The following CACNA2D3 variants were observed in gnomAD, a reference collection of about 807,000 sequenced individuals.
CACNA2D3 encodes the protein voltage-dependent calcium channel subunit alpha-2/delta-3.
A neutral mutation model predicts 160.6 loss-of-function variants in CACNA2D3; 60 were observed. The ratio of observed to expected loss-of-function variants is 0.37; its 90% CI spans 0.30 to 0.46. CACNA2D3 has a LOEUF of 0.46. CACNA2D3 is among the 20% of genes least tolerant of loss of function. The pLI is 1.00. For synonymous variants in CACNA2D3, 558 were observed against 492.9 expected (o/e 1.13, Z -1.75); for missense variants, 1,205 against 1,365.0 (o/e 0.88, Z 1.85).
At chr3:54,693,535 T>C (rs1399778001) in intron 11 of CACNA2D3, among the ~76,000 whole-genome samples, 1 of 152,222 alleles carries the variant, frequency 6.6e-6, no homozygotes, top group Non-Finnish European at 1.5e-5. Context: ...ATCATTATTT[T>C]AGAGTGTACT....
chr3:55,050,170 C>T (rs1033178653), intron 35 of CACNA2D3, among the ~76,000 whole-genome samples: 6 of 150,094 alleles, frequency 4.0e-5, no homozygotes, highest in South Asian at 2.2e-4. Flanking sequence ...TTATTTTGCT[C>T]ATTAGTTGAT....
chr3:55,045,564 C>G (rs527312780), intron 35 of CACNA2D3, among the ~76,000 whole-genome samples: 1 of 152,148 alleles, frequency 6.6e-6, no homozygotes, highest in South Asian at 2.1e-4. Flanking sequence ...GCTATGAATT[C>G]AATATCTTTA....
chr3:54,486,723 C>G (rs147507708), intron 4 of CACNA2D3, among the ~76,000 whole-genome samples: 3 of 152,280 alleles, frequency 2.0e-5, no homozygotes, highest in Non-Finnish European at 4.4e-5. Context: ...GGACCTCAGT[C>G]TCCCAGCATA....
intron 6 of CACNA2D3, among the ~76,000 whole-genome samples, chr3:54,564,604 T>G (rs1702379851): frequency 6.6e-6 from 1 of 152,198 alleles, no homozygotes; most frequent in Admixed American, 6.5e-5. Flanking sequence ...TCAGGATGCC[T>G]CTTTCCATTG....
chr3:54,637,870 G>A (rs1177115996), intron 10 of CACNA2D3: 3 of 152,158 alleles, frequency 2.0e-5, no homozygotes, highest in Middle Eastern at 3.4e-3. Flanking sequence ...CCACACAGAT[G>A]GGACGCGGCT....
intron 13 of CACNA2D3, among the ~76,000 whole-genome samples, chr3:54,797,106 G>T (rs965053232): frequency 6.6e-6 from 1 of 152,142 alleles, no homozygotes. Context: ...CTTGTGATTT[G>T]CTAAATGATG....
intron 2 of CACNA2D3, among the ~76,000 whole-genome samples, chr3:54,279,540 G>C (rs1298211822): frequency 6.6e-6 from 1 of 152,140 alleles, no homozygotes; most frequent in African/African-American, 2.4e-5. Context: ...TTTGAAAATG[G>C]AGCTTTCATT....
At chr3:54,708,009 T>A (rs946318436) in intron 11 of CACNA2D3, among the ~76,000 whole-genome samples, 2 of 152,278 alleles carry the variant, frequency 1.3e-5, no homozygotes, top group Middle Eastern at 3.4e-3. Context: ...GCTAGAGATG[T>A]GCATTGTTTA....
At chr3:54,817,651 A>T (rs1013012891) in intron 14 of CACNA2D3, among the ~76,000 whole-genome samples, 21 of 152,200 alleles carry the variant, frequency 1.4e-4, no homozygotes, top group African/African-American at 4.6e-4. Flanking sequence ...CACCCCCCTG[A>T]AATTTAAACA....
intron 2 of CACNA2D3, among the ~76,000 whole-genome samples, chr3:54,204,650 G>C (rs1701238784): frequency 6.6e-6 from 1 of 151,992 alleles, no homozygotes; most frequent in African/African-American, 2.4e-5. Context: ...CAAAAAATTA[G>C]CTGGATGTGG....
intron 35 of CACNA2D3, among the ~76,000 whole-genome samples, chr3:55,053,737 T>C (rs988610680): frequency 3.3e-5 from 5 of 151,986 alleles, no homozygotes; most frequent in Admixed American, 6.5e-5. Flanking sequence ...ATAAAGATAA[T>C]TTCTTCCTTT....
intron 6 of CACNA2D3, among the ~76,000 whole-genome samples, chr3:54,566,097 G>A (rs1575349579): frequency 6.6e-6 from 1 of 152,332 alleles, no homozygotes; most frequent in Non-Finnish European, 1.5e-5. Context: ...ACAGAATAGA[G>A]CTATTGCCTC....
intron 9 of CACNA2D3, among the ~76,000 whole-genome samples, chr3:54,606,678 A>C (rs965723410): frequency 1.3e-5 from 2 of 152,192 alleles, no homozygotes; most frequent in Non-Finnish European, 2.9e-5. Flanking sequence ...CGCTCGCTCC[A>C]TTCCAGCCTG....
chr3:54,736,122 TATATATATGTATATATATACACACAC>T (rs1701522973), intron 11 of CACNA2D3, among the ~76,000 whole-genome samples: 1 of 64,788 alleles, frequency 1.5e-5, no homozygotes, highest in Non-Finnish European at 3.3e-5. Flanking sequence ...TATATATACA[TATATATATGTATATATATACACACAC>T]ACACACACAC....
At chr3:55,048,100 C>T (rs1209237572) in intron 35 of CACNA2D3, among the ~76,000 whole-genome samples, 2 of 112,544 alleles carry the variant, frequency 1.8e-5, no homozygotes, top group South Asian at 3.3e-4. Flanking sequence ...ATTTCCTTCT[C>T]CTGCCTAATT....
At chr3:54,410,484 T>G (rs1699648426) in intron 4 of CACNA2D3, among the ~76,000 whole-genome samples, 1 of 152,182 alleles carries the variant, frequency 6.6e-6, no homozygotes. Context: ...TTACTTACCA[T>G]TCCAAGAACC....
At position 54,984,631 on chromosome 3, in the gene CACNA2D3, C is replaced by A; in HGVS notation, c.2580C>A (p.Asp860Glu). The change falls in exon 30 of 38, where the codon GAC (aspartate) becomes GAA (glutamate). Residue 860 changes from aspartate (D) to glutamate (E), a missense_variant. Physicochemically the swap from Asp to Glu is conservative, Grantham distance 45. Around this residue, in one of 3 missense-constraint regions of CACNA2D3, gnomAD observed 911 missense variants for 1,002.2 expected, o/e 0.91. Coordinates refer to ENST00000474759, the MANE Select transcript of CACNA2D3 (RefSeq NM_018398.3). ...DDETVNCYLI[D>E]NNGFILVSED... ...AGACTGTGAATTGTTACCTCATAGA[C>A]AATAATGGATTTATTTTGGTGTCTG... 1.3e-6 allele frequency: 2 copies of A among 1,556,292 alleles called. No individual in the cohort carries two copies. The highest frequency in any genetic ancestry group is 8.7e-7 in the Non-Finnish European group (1 of 1,145,952).
chr3:54,307,510 C>CT (rs1363172577), intron 2 of CACNA2D3, among the ~76,000 whole-genome samples: 6 of 152,160 alleles, frequency 3.9e-5, no homozygotes, highest in Non-Finnish European at 8.8e-5. Context: ...ATGTCAGCGT[C>CT]TCCCCACCTT....
intron 5 of CACNA2D3, among the ~76,000 whole-genome samples, chr3:54,546,500 G>C (rs977777885): frequency 6.6e-6 from 1 of 152,094 alleles, no homozygotes; most frequent in Non-Finnish European, 1.5e-5. Flanking sequence ...ACACTTTGGA[G>C]GGCTGGTGTC....
Sources: gnomAD v4.1 joint callset for allele counts (sites outside exome capture counted in the v4.1 genomes callset) on GRCh38, gnomAD v4.1.1 for gene constraint, gnomAD v4.1.1 regional missense constraint, MANE v1.5 for transcripts, NCBI Gene and HGNC (gene_info 2026-07-23, HGNC 2026-07-21) for gene names.